The following UEVLD variants were observed in gnomAD, a reference collection of about 807,000 sequenced individuals.
UEVLD encodes the protein ubiquitin-conjugating enzyme E2 variant 3.
A neutral mutation model predicts 58.6 loss-of-function variants in UEVLD; 47 were observed. The observed-to-expected ratio is 0.80, with a 90% CI of 0.63 to 1.02. The LOEUF is 1.02. Ranked by LOEUF, UEVLD falls within the 50% of genes least tolerant of loss-of-function variation. The pLI, the probability that UEVLD is intolerant of heterozygous loss-of-function variation, is 0.00. For synonymous variants in UEVLD, 197 were observed against 195.3 expected (o/e 1.01, Z -0.07); for missense variants, 510 against 550.6 (o/e 0.93, Z 0.74).
At chr11:18,569,364 C>T (rs1264795192) in intron 4 of UEVLD, among the ~76,000 whole-genome samples, 3 of 152,284 alleles carry the variant, frequency 2.0e-5, no homozygotes, top group Admixed American at 2.0e-4. Flanking sequence ...TACCCTCCTA[C>T]ACTGATTTCT....
intron 8 of UEVLD, among the ~76,000 whole-genome samples, chr11:18,546,328 TA>T (rs1337522931): frequency 2.6e-5 from 4 of 152,136 alleles, no homozygotes; most frequent in Non-Finnish European, 4.4e-5. Flanking sequence ...ACCTAGAACA[TA>T]ATATCATATT....
chr11:18,575,427 A>T lies in UEVLD; in HGVS notation c.128-15T>A, dbSNP rs752466182. On this transcript the variant is annotated splice_polypyrimidine_tract_variant and intron_variant, in intron 2 of 11. Coordinates refer to ENST00000396197, the MANE Select transcript of UEVLD (RefSeq NM_001040697.4). ...ATCTTTAAAAACTAGAAGAAAAAAA[A>T]AAAAGCCCCAAAATGTGCAATCAGA... 13 of 1,585,550 alleles carry T rather than the reference A, an allele frequency of 8.2e-6. No homozygotes were observed. Among genetic ancestry groups the T allele is most frequent in the Non-Finnish European group, 1.1e-5 (13 of 1,173,190 alleles).
At chr11:18,586,006 G>A (rs1853540042) in intron 1 of UEVLD, among the ~76,000 whole-genome samples, 1 of 152,144 alleles carries the variant, frequency 6.6e-6, no homozygotes, top group African/African-American at 2.4e-5. Flanking sequence ...ATGAATTTTA[G>A]AATCAGTTTG....
Position 18,578,725 on chromosome 11 carries a change from A to G in UEVLD, c.126T>C (p.Tyr42=). The G allele has an allele frequency of 6.3e-7, 1 of 1,597,734 alleles. No individual in the cohort carries two copies. Among genetic ancestry groups the G allele is most frequent in the Non-Finnish European group, 8.6e-7 (1 of 1,169,522 alleles). The change falls in exon 2 of 12, where the codon TAT becomes TAC. Residue 42 remains tyrosine (Y), a splice_region_variant and synonymous_variant. Coordinates refer to ENST00000396197, the MANE Select transcript of UEVLD (RefSeq NM_001040697.4). ...TAAACTAGAGGATATGATTCTTACC[A>G]TAGGTGTCCATGGAATATTTGAAAT... ...FPHFKYSMDT[Y]VFKDSSQKDL...
chr11:18,578,023 A>G (rs1853024497), intron 2 of UEVLD, among the ~76,000 whole-genome samples: 1 of 152,214 alleles, frequency 6.6e-6, no homozygotes, highest in African/African-American at 2.4e-5. Flanking sequence ...AAGGTCCTTT[A>G]AAGATGTCCA....
At chr11:18,578,225 C>G (rs564176534) in intron 2 of UEVLD, among the ~76,000 whole-genome samples, 55 of 152,276 alleles carry the variant, frequency 3.6e-4, no homozygotes, top group African/African-American at 1.3e-3. Context: ...TCTTTCCCAG[C>G]TGTGGTCAGA....
At chr11:18,555,099 T>A (rs1163977289) in intron 7 of UEVLD, among the ~76,000 whole-genome samples, 1 of 151,882 alleles carries the variant, frequency 6.6e-6, no homozygotes, top group African/African-American at 2.4e-5. Flanking sequence ...AGACCAACCT[T>A]GGCAACATAG....
chr11:18,585,088 G>A (rs1439595903), intron 1 of UEVLD, among the ~76,000 whole-genome samples: 2 of 151,938 alleles, frequency 1.3e-5, no homozygotes, highest in African/African-American at 4.8e-5. Context: ...ATAGGGTCTT[G>A]CCATATTGTT....
At chr11:18,545,796 A>G (rs1178762800) in intron 8 of UEVLD, among the ~76,000 whole-genome samples, 1 of 152,220 alleles carries the variant, frequency 6.6e-6, no homozygotes, top group East Asian at 1.9e-4. Flanking sequence ...GATAATTCCT[A>G]GAACAGTTAA....
rs778873949 is a variant in UEVLD, at chr11:18,546,832, C to T, written c.886+48G>A. On this transcript the variant is annotated intron_variant, in intron 8 of 11. Transcript: ENST00000396197. ...ATGGTTTTTATCAGTAATGGCAATT[C>T]TACTGATGTACTGGACCATCAACTT... 18 of 1,592,434 alleles carry T rather than the reference C, an allele frequency of 1.1e-5. No homozygotes were observed. In the Admixed American group the frequency reaches 2.0e-4, roughly 18 times the overall value.
intron 3 of UEVLD, among the ~76,000 whole-genome samples, chr11:18,572,064 A>G (rs1163733560): frequency 2.0e-5 from 3 of 151,890 alleles, no homozygotes; most frequent in Non-Finnish European, 2.9e-5. Context: ...GTGAAACCCC[A>G]TCTCTACTAA....
intron 7 of UEVLD, among the ~76,000 whole-genome samples, chr11:18,550,118 G>C (rs865826982): frequency 6.6e-6 from 1 of 152,018 alleles, no homozygotes; most frequent in Non-Finnish European, 1.5e-5. Flanking sequence ...CACTGTGCCC[G>C]GCCTCCTTTG....
chr11:18,562,193 TCAGCCACC>T (rs1852067823), intron 6 of UEVLD, among the ~76,000 whole-genome samples: 1 of 151,946 alleles, frequency 6.6e-6, no homozygotes, highest in South Asian at 2.1e-4. Context: ...CAAGCAATCC[TCAGCCACC>T]CAAGTTGCTG....
chr11:18,564,003 T>TAAA (rs34386323), intron 6 of UEVLD: 381 of 155,578 alleles, frequency 2.4e-3, no homozygotes, highest in East Asian at 4.0e-3. Flanking sequence ...AGACTCCACC[T>TAAA]AAAAAAAAAA....
intron 8 of UEVLD, among the ~76,000 whole-genome samples, chr11:18,546,320 C>T (rs966625100): frequency 6.6e-6 from 1 of 152,016 alleles, no homozygotes; most frequent in African/African-American, 2.4e-5. Context: ...GGCTTAGAAC[C>T]TAGAACATAA....
intron 7 of UEVLD, among the ~76,000 whole-genome samples, chr11:18,550,354 T>C (rs1851474286): frequency 6.6e-6 from 1 of 152,186 alleles, no homozygotes; most frequent in African/African-American, 2.4e-5. Context: ...ACTCATTCCC[T>C]AGAATATCTA....
chr11:18,538,651 A>G (rs1565107965), intron 9 of UEVLD, among the ~76,000 whole-genome samples: 1 of 151,442 alleles, frequency 6.6e-6, no homozygotes, highest in African/African-American at 2.4e-5. Context: ...TTGGGTACAC[A>G]ATCGAGGAAA....
chr11:18,542,210 C>T (rs960089060), intron 9 of UEVLD, among the ~76,000 whole-genome samples: 4 of 151,874 alleles, frequency 2.6e-5, no homozygotes, highest in Non-Finnish European at 5.9e-5. Context: ...CATCATTTAC[C>T]GGGTAGACTA....
chr11:18,584,185 G>A (rs1329077812), intron 1 of UEVLD, among the ~76,000 whole-genome samples: 1 of 152,100 alleles, frequency 6.6e-6, no homozygotes, highest in Non-Finnish European at 1.5e-5. Context: ...TTTGAGACCA[G>A]CCTGGGCAAC....
Sources: gnomAD v4.1 joint callset for allele counts (sites outside exome capture counted in the v4.1 genomes callset) on GRCh38, gnomAD v4.1.1 for gene constraint, MANE v1.5 for transcripts, NCBI Gene and HGNC (gene_info 2026-07-23, HGNC 2026-07-21) for gene names.